Variants in HEPH observed in about 807,000 individuals in gnomAD.
HEPH encodes hephaestin.
A neutral mutation model predicts 80.8 loss-of-function variants in HEPH; 69 were observed. The observed-to-expected ratio is 0.85, with a 90% CI of 0.70 to 1.04. The LOEUF (loss-of-function observed/expected upper bound fraction) is 1.04. Ranked by LOEUF, HEPH falls within the 50% of genes least tolerant of loss-of-function variation. HEPH has a pLI of 0.00. For synonymous variants in HEPH, 431 were observed against 322.8 expected, an observed-to-expected ratio of 1.34 and a Z score of -3.60; for missense variants, 1,115 against 891.3, an observed-to-expected ratio of 1.25 and a Z score of -3.20.
chrX:66,221,202 G>A (rs1049570315), intron 15 of HEPH, among the ~76,000 whole-genome samples: 14 of 111,544 alleles, frequency 1.3e-4, no homozygotes, highest in African/African-American at 4.6e-4. Flanking sequence ...GCTCCTGTCC[G>A]CGTACCACTC....
At chrX:66,207,093 C>A in intron 13 of HEPH, 102 bp from the exon 14 acceptor site, 1 of 537,702 alleles carries the variant, frequency 1.9e-6, no homozygotes, top group South Asian at 4.7e-5. Flanking sequence ...TTTTTTCTGT[C>A]TGTGACATGA....
chrX:66,238,281 C>T (rs1355987391), intron 15 of HEPH, among the ~76,000 whole-genome samples: 1 of 111,117 alleles, frequency 9.0e-6, no homozygotes, highest in Non-Finnish European at 1.9e-5. Flanking sequence ...TTTAGTGTTT[C>T]CTTCAGGAGC....
At chrX:66,190,443 G>C (rs913088157) in intron 6 of HEPH, among the ~76,000 whole-genome samples, 3 of 111,541 alleles carry the variant, frequency 2.7e-5, no homozygotes, top group Admixed American at 1.9e-4. Flanking sequence ...GCAATGTATT[G>C]AGGAGCATCA....
At chrX:66,191,474 A>G (rs747957649) in intron 6 of HEPH, among the ~76,000 whole-genome samples, 2 of 112,346 alleles carry the variant, frequency 1.8e-5, no homozygotes, top group South Asian at 7.5e-4. Context: ...GGATGCTAAT[A>G]AAATAATATA....
chrX:66,250,182 G>A (rs905862568), intron 15 of HEPH, among the ~76,000 whole-genome samples: 4 of 111,026 alleles, frequency 3.6e-5, no homozygotes, highest in African/African-American at 6.6e-5. Context: ...AAGAGGACAG[G>A]CACTATGTTG....
At chrX:66,187,345 C>A (rs866780994) in intron 4 of HEPH, among the ~76,000 whole-genome samples, 1 of 110,769 alleles carries the variant, frequency 9.0e-6, no homozygotes, top group Middle Eastern at 4.7e-3. Context: ...TGTCATATTA[C>A]CTGAGTTGGG....
chrX:66,194,303 G>A (rs1479049866), intron 8 of HEPH, among the ~76,000 whole-genome samples: 1 of 111,814 alleles, frequency 8.9e-6, no homozygotes, highest in Non-Finnish European at 1.9e-5. Flanking sequence ...GAGATACAAT[G>A]AGGAGAAATC....
At chrX:66,235,085 T>C (rs2090306035) in intron 15 of HEPH, among the ~76,000 whole-genome samples, 1 of 111,724 alleles carries the variant, frequency 9.0e-6, no homozygotes, top group African/African-American at 3.3e-5. Flanking sequence ...TCCTTATAGA[T>C]ATTGAATATT....
chrX:66,256,055 C>G, intron 16 of HEPH, 50 bp from the exon 17 acceptor site: 1 of 1,035,278 alleles, frequency 9.7e-7, no homozygotes. Flanking sequence ...TACTGCTACC[C>G]AGAAACAACT....
chrX:66,205,799 C>T (rs956769828), intron 13 of HEPH, among the ~76,000 whole-genome samples: 2 of 110,370 alleles, frequency 1.8e-5, no homozygotes, highest in Admixed American at 1.9e-4. Flanking sequence ...TTTTTGCTTG[C>T]TGAATTGTTT....
At chrX:66,267,653 C>T (rs957307523), downstream of HEPH, 2 of 111,257 alleles carry the variant, frequency 1.8e-5, no homozygotes, top group Admixed American at 9.5e-5. Context: ...AAGTCTGAGA[C>T]GAGACTCAAA....
Position 66,195,186 on chromosome X carries a change from G to A in HEPH, c.1458G>A (p.Gly486=), listed in dbSNP as rs754461833. ...ASQPFSMQPH[G]VFYEKDYEGT... ...AGCCATTCAGCATGCAGCCCCATGG[G>A]GTCTTTTATGAGAAAGACTATGAAG... is the stretch of plus-strand genomic sequence containing the variant. Residue 486 remains glycine (G), a synonymous_variant, in exon 9 of 21, where the codon GGG becomes GGA. Transcript: ENST00000343002. 5 of 1,200,126 alleles carry A rather than the reference G, an allele frequency of 4.2e-6. No homozygotes were observed. The East Asian group carries it at 1.2e-4, about 29-fold the overall frequency.
Position 66,256,263 on chromosome X carries a change from T to A in HEPH, c.2829T>A (p.His943Gln). 8.3e-7 allele frequency: 1 copy of A among 1,211,338 alleles called. No homozygotes were observed. The highest frequency in any genetic ancestry group is 1.1e-6 in the Non-Finnish European group (1 of 895,093). ...ATTTGGAGGAAAATGTGGCAACCCA[T>A]GGGTCCCAGGATCCAGGCAGTATTA... ...SWYLEENVAT[H>Q]GSQDPGSINL... Residue 943 changes from histidine to glutamine, a missense_variant, in exon 17 of 21, where the codon CAT (histidine) becomes CAA (glutamine). His to Gln is a conservative substitution (Grantham distance 24). Around this residue, in one of 3 missense-constraint regions of HEPH, gnomAD observed 716 missense variants for 523.5 expected, o/e 1.37. Transcript: ENST00000343002.
intron 4 of HEPH, among the ~76,000 whole-genome samples, chrX:66,175,255 C>T (rs767892204): frequency 2.7e-5 from 3 of 111,697 alleles, no homozygotes; most frequent in South Asian, 3.8e-4. Flanking sequence ...TACCATTTGT[C>T]GAAAATGGTG....
intron 6 of HEPH, among the ~76,000 whole-genome samples, chrX:66,191,055 A>G (rs1346951875): frequency 8.9e-6 from 1 of 111,863 alleles, no homozygotes; most frequent in Non-Finnish European, 1.9e-5. Flanking sequence ...TTTTAGAGTA[A>G]AAATGTGATT....
chrX:66,179,580 G>T (rs1335985300), intron 4 of HEPH, among the ~76,000 whole-genome samples: 3 of 111,481 alleles, frequency 2.7e-5, no homozygotes, highest in Non-Finnish European at 3.8e-5. Flanking sequence ...AAGCCTATTT[G>T]TTCCAAGGTA....
rs374611265 is a variant in HEPH at position 66,197,756 on chromosome X, C to T, written c.1575C>T (p.Ala525=). The change falls in exon 10 of 21, where the codon GCC becomes GCT. Residue 525 remains alanine (A), a synonymous_variant. Coordinates refer to ENST00000343002, the MANE Select transcript of HEPH (RefSeq NM_001367233.3). The part of the protein sequence containing the change: ...VTYRWTVPPH[A]GPTAQDPACL... ...ACCGCTGGACAGTCCCCCCTCATGC[C>T]GGTCCCACTGCTCAGGATCCTGCTT... 4.0e-5 allele frequency: 49 copies of T among 1,209,909 alleles called. No individual in the cohort carries two copies. Among genetic ancestry groups the T allele is most frequent in the South Asian group, 5.3e-5 (3 of 56,840 alleles).
At chrX:66,197,065 TCTAG>T (rs1487312472) in intron 9 of HEPH, among the ~76,000 whole-genome samples, 1 of 110,904 alleles carries the variant, frequency 9.0e-6, no homozygotes, top group Non-Finnish European at 1.9e-5. Context: ...AAAAAAGTTA[TCTAG>T]CTATTTTCAA....
At chrX:66,174,578 A>G (rs1304386202) in intron 4 of HEPH, among the ~76,000 whole-genome samples, 8 of 111,943 alleles carry the variant, frequency 7.1e-5, no homozygotes, top group Non-Finnish European at 1.3e-4. Context: ...TCATTAAGCA[A>G]TCTCCACACT....
Sources: allele counts gnomAD v4.1 joint callset (sites outside exome capture counted in the v4.1 genomes callset), GRCh38; gene constraint gnomAD v4.1.1; regional missense constraint gnomAD v4.1.1; transcripts MANE v1.5; gene names NCBI Gene and HGNC (gene_info 2026-07-23, HGNC 2026-07-21).